ISY1: variants seen among roughly 807,000 people sequenced by gnomAD.
ISY1 encodes the protein ISY1 spliceosome associated protein.
A neutral mutation model predicts 54.4 loss-of-function variants in ISY1; 12 were observed. The ratio of observed to expected loss-of-function variants is 0.22; its 90% CI spans 0.14 to 0.36. The LOEUF is 0.36. Among genes scored for constraint, ISY1 ranks in the 10% least tolerant of loss-of-function variants. ISY1 has a pLI of 1.00. For missense variants in ISY1, 282 were observed against 342.2 expected, an observed-to-expected ratio of 0.82 and a Z score of 1.39; for synonymous variants, 96 against 117.9, an observed-to-expected ratio of 0.81 and a Z score of 1.20.
chr3:129,137,599 G>A (rs558487046), intron 7 of ISY1, among the ~76,000 whole-genome samples: 2 of 152,070 alleles, frequency 1.3e-5, no homozygotes, highest in East Asian at 1.9e-4. Context: ...TTGGGAGGCC[G>A]AGGTGGGCAG....
At chr3:129,157,606 A>G (rs1377580183) in intron 3 of ISY1, among the ~76,000 whole-genome samples, 1 of 151,626 alleles carries the variant, frequency 6.6e-6, no homozygotes, top group South Asian at 2.1e-4. Flanking sequence ...CTGTAATTCC[A>G]GCTACTCAGG....
intron 8 of ISY1, among the ~76,000 whole-genome samples, chr3:129,134,508 C>T (rs1312393668): frequency 6.6e-6 from 1 of 152,196 alleles, no homozygotes; most frequent in African/African-American, 2.4e-5. Flanking sequence ...GAAAGCAGCT[C>T]CAGCTCCAGA....
At chr3:129,135,740 T>G (rs1402507358) in intron 7 of ISY1, among the ~76,000 whole-genome samples, 7 of 148,630 alleles carry the variant, frequency 4.7e-5, no homozygotes, top group African/African-American at 1.7e-4. Flanking sequence ...CACTGCAGCC[T>G]GGGCGACAGA....
Position 129,134,943 on chromosome 3 carries a change from G to C in ISY1, c.430C>G (p.Pro144Ala). The C allele has an allele frequency of 6.2e-7, 1 of 1,606,678 alleles. No individual in the cohort carries two copies. The highest frequency in any genetic ancestry group is 1.1e-5 in the South Asian group (1 of 90,288). Residue 144 changes from proline to alanine, a missense_variant, in exon 8 of 11, where the codon CCC (proline) becomes GCC (alanine). Pro to Ala is a conservative substitution (Grantham distance 27). Coordinates refer to ENST00000393295, the MANE Select transcript of ISY1 (RefSeq NM_020701.4). ...ELFEKEPLPP[P>A]RKTRAELMKA... is the part of the protein sequence containing the mutation. ...ATGAGCTCAGCACGTGTCTTTCTGG[G>C]AGGAGGAAGAGCTATAAGAAACAGA...
Position 129,159,135 on chromosome 3 carries a change from A to T in ISY1, c.26+19T>A. On this transcript the variant is annotated intron_variant, in intron 2 of 10. Transcript: ENST00000393295. ...TTAAGTTACAAAAAATTTACAGCCAAAAACAAGTTGATACTTACATGGCCT... is the reference window on the plus strand; with the variant it reads ...TTAAGTTACAAAAAATTTACAGCCATAAACAAGTTGATACTTACATGGCCT... The T allele has an allele frequency of 6.2e-7, 1 of 1,604,822 alleles. No homozygotes were observed. Among genetic ancestry groups the T allele is most frequent in the South Asian group, 1.1e-5 (1 of 87,648 alleles).
intron 7 of ISY1, among the ~76,000 whole-genome samples, chr3:129,135,442 T>C (rs7614608): frequency 1.3e-5 from 2 of 152,094 alleles, no homozygotes; most frequent in African/African-American, 2.4e-5. Flanking sequence ...TGGACCCATT[T>C]GTCCGTTTAA....
chr3:129,160,405 AC>A (rs1937269335), intron 1 of ISY1, among the ~76,000 whole-genome samples: 1 of 152,022 alleles, frequency 6.6e-6, no homozygotes, highest in South Asian at 2.1e-4. Flanking sequence ...GAAGAAACCA[AC>A]AAATGACGCC....
At chr3:129,141,772 A>T (rs1936623974) in intron 6 of ISY1, among the ~76,000 whole-genome samples, 1 of 150,866 alleles carries the variant, frequency 6.6e-6, no homozygotes, top group South Asian at 2.1e-4. Flanking sequence ...AAAATAAAAT[A>T]ATTAAAAAAT....
At chr3:129,135,897 G>C (rs558739576) in intron 7 of ISY1, among the ~76,000 whole-genome samples, 3 of 152,186 alleles carry the variant, frequency 2.0e-5, no homozygotes, top group East Asian at 3.9e-4. Flanking sequence ...GAATATGTAT[G>C]GGATGGGATA....
intron 3 of ISY1, among the ~76,000 whole-genome samples, chr3:129,157,245 T>C (rs1576894271): frequency 6.6e-6 from 1 of 152,118 alleles, no homozygotes; most frequent in Non-Finnish European, 1.5e-5. Context: ...CATACATAAA[T>C]ATGGGTGTAT....
intron 5 of ISY1, among the ~76,000 whole-genome samples, chr3:129,152,627 C>T (rs913460967): frequency 2.6e-5 from 4 of 151,922 alleles, no homozygotes; most frequent in South Asian, 2.1e-4. Context: ...AGGATGGTTT[C>T]GATCTCCTGA....
intron 9 of ISY1, among the ~76,000 whole-genome samples, chr3:129,133,252 C>T (rs935686417): frequency 6.6e-6 from 1 of 152,300 alleles, no homozygotes; most frequent in African/African-American, 2.4e-5. Context: ...AAAGTAATAA[C>T]TAAGATATAT....
intron 1 of ISY1, among the ~76,000 whole-genome samples, chr3:129,159,396 C>T (rs1007421715): frequency 1.3e-5 from 2 of 152,172 alleles, no homozygotes; most frequent in African/African-American, 4.8e-5. Flanking sequence ...CTGACCCTAA[C>T]ACCTTGTATC....
intron 5 of ISY1, among the ~76,000 whole-genome samples, chr3:129,155,625 GAATT>G (rs1322919511): frequency 2.6e-5 from 4 of 151,636 alleles, no homozygotes; most frequent in African/African-American, 7.3e-5. Flanking sequence ...TCAGACACAT[GAATT>G]ATTTACAAAT....
At chr3:129,135,491 T>C (rs1357198688) in intron 7 of ISY1, among the ~76,000 whole-genome samples, 8 of 151,474 alleles carry the variant, frequency 5.3e-5, no homozygotes, top group South Asian at 2.1e-4. Flanking sequence ...CCAGGCCGGG[T>C]GCGGTGACTC....
chr3:129,144,084 AG>A (rs1560018138), intron 6 of ISY1: 1 of 380,886 alleles, frequency 2.6e-6, no homozygotes, highest in Non-Finnish European at 5.3e-6. Context: ...CCACTTTTCT[AG>A]GTGGATTAAT....
chr3:129,138,890 T>C (rs928970132), intron 7 of ISY1, among the ~76,000 whole-genome samples: 1 of 151,836 alleles, frequency 6.6e-6, no homozygotes, highest in Non-Finnish European at 1.5e-5. Context: ...TCATCACATA[T>C]GAGGTGTGAA....
chr3:129,155,177 T>C (rs1223769537), intron 5 of ISY1, among the ~76,000 whole-genome samples: 1 of 151,790 alleles, frequency 6.6e-6, no homozygotes, highest in East Asian at 1.9e-4. Flanking sequence ...TAATTTTCTA[T>C]TATTTCAGTG....
intron 6 of ISY1, chr3:129,143,942 T>C (rs1013613638): frequency 5.9e-6 from 1 of 168,916 alleles, no homozygotes; most frequent in Admixed American, 6.1e-5. Flanking sequence ...TATATTACTT[T>C]TATATGTAGA....
Sources: allele counts gnomAD v4.1 joint callset (sites outside exome capture counted in the v4.1 genomes callset), GRCh38; gene constraint gnomAD v4.1.1; transcripts MANE v1.5; gene names NCBI Gene and HGNC (gene_info 2026-07-23, HGNC 2026-07-21).